FRMPD1: variants seen among roughly 807,000 people sequenced by gnomAD.
FRMPD1 encodes FERM and PDZ domain containing 1.
FRMPD1 carries 76 observed loss-of-function variants against 117.8 expected under a neutral mutation model. The ratio of observed to expected loss-of-function variants is 0.65; its 90% CI spans 0.54 to 0.78. The LOEUF (loss-of-function observed/expected upper bound fraction) is 0.78, where lower values mean the gene tolerates loss of function less well. Ranked by LOEUF, FRMPD1 falls within the 30% of genes least tolerant of loss-of-function variation. The probability of loss-of-function intolerance (pLI) is 0.00; values close to 1 mark genes in which losing one functional copy is unlikely to be tolerated. For synonymous variants in FRMPD1, 783 were observed against 770.4 expected (o/e 1.02, Z -0.27); for missense variants, 1,786 against 1,964.5 (o/e 0.91, Z 1.72).
chr9:37,745,077 C>T lies in FRMPD1; in HGVS notation c.3045C>T (p.Leu1015=). The T allele has an allele frequency of 6.2e-6, 10 of 1,614,164 alleles. No homozygotes were observed. The highest frequency in any genetic ancestry group is 8.5e-6 in the Non-Finnish European group (10 of 1,180,014). The change falls in exon 16 of 16, where the codon CTC becomes CTT. Residue 1015 remains leucine (L), a synonymous_variant. Coordinates refer to ENST00000377765, the MANE Select transcript of FRMPD1 (RefSeq NM_014907.3). ...TIEHGDSSFS[L]SSGDPNPDRA... is the part of the protein sequence containing the mutation. ...AGCATGGAGACAGCTCCTTCTCCCT[C>T]TCCAGTGGTGACCCTAACCCAGACA...
chr9:37,711,108 G>A lies in FRMPD1; in HGVS notation c.363-242G>A, dbSNP rs146584316. 1.1e-3 allele frequency among the ~76,000 whole-genome samples: 160 copies of A among 152,194 alleles called. 2 individuals are homozygous for A. In the East Asian group the frequency reaches 0.029, roughly 28 times the overall value. On this transcript the variant is annotated intron_variant, in intron 4 of 15. Coordinates refer to ENST00000377765, the MANE Select transcript of FRMPD1 (RefSeq NM_014907.3). The stretch of plus-strand genomic sequence containing the variant: ...GACTAGATGGTAGAGGTGAACTTAC[G>A]AAAATTCCCTCCAGGTGGGAGGAGC...
chr9:37,722,328 T>C (rs1373584622), intron 6 of FRMPD1, among the ~76,000 whole-genome samples: 3 of 150,188 alleles, frequency 2.0e-5, no homozygotes, highest in Non-Finnish European at 4.4e-5. Context: ...AAGAGAGAGA[T>C]GATTGTGAGT....
chr9:37,621,808 G>A, the FRMPD1 span, among the ~76,000 whole-genome samples: 3 of 152,144 alleles, frequency 2.0e-5, no homozygotes, highest in African/African-American at 7.2e-5. Flanking sequence ...CAGCAGATGA[G>A]ACAGCTTCTG....
chr9:37,729,456 G>A (rs187459353), intron 7 of FRMPD1, among the ~76,000 whole-genome samples: 1 of 150,800 alleles, frequency 6.6e-6, no homozygotes, highest in East Asian at 2.0e-4. Flanking sequence ...AGGGACATAG[G>A]AGAGAGGCAG....
At chr9:37,643,467 T>C in the FRMPD1 span, among the ~76,000 whole-genome samples, 1,996 of 152,350 alleles carry the variant, frequency 0.013, 40 homozygotes, top group African/African-American at 0.045. Context: ...TCAGTGGTGT[T>C]CATTACATTT....
chr9:37,680,151 C>G (rs1821673092), intron 1 of FRMPD1, among the ~76,000 whole-genome samples: 1 of 152,098 alleles, frequency 6.6e-6, no homozygotes. Flanking sequence ...CTGTTGCCAC[C>G]CTGTAGCTCT....
chr9:37,729,592 C>T lies in FRMPD1; in HGVS notation c.613-136C>T, dbSNP rs1339845290. 22 of 855,464 alleles carry T rather than the reference C, an allele frequency of 2.6e-5. No individual in the cohort carries two copies. The South Asian group carries it at 2.7e-4, about 11-fold the overall frequency. The allele number at this position is 855,464 out of a possible 1,614,324, so 53.0% of individuals were successfully genotyped here. On this transcript the variant is annotated intron_variant, in intron 7 of 15. Transcript: ENST00000377765. ...CCGTAAGGGGCCTGATGAGTGGGAC[C>T]AGACTCTGGCGTAAGTCAGCAGTGG...
chr9:37,724,261 C>A lies in FRMPD1; in HGVS notation c.553C>A (p.Leu185Ile), dbSNP rs144530485. 2 of 1,603,386 alleles carry A rather than the reference C, an allele frequency of 1.2e-6. No homozygotes were observed. The highest frequency in any genetic ancestry group is 1.7e-6 in the Non-Finnish European group (2 of 1,170,252). ...GCTGTGTATGCCCAACGTGCTCAAG[C>A]TATACTTGGAGAATGGACAGACCAA... The part of the protein sequence containing the change: ...SLLCMPNVLK[L>I]YLENGQTKAF... The change falls in exon 7 of 16, where the codon CTA becomes ATA. Residue 185 changes from leucine to isoleucine, a missense_variant. Physicochemically the swap from Leu to Ile is conservative, Grantham distance 5. Coordinates refer to ENST00000377765, the MANE Select transcript of FRMPD1 (RefSeq NM_014907.3).
At chr9:37,727,114 T>C (rs1011870610) in intron 7 of FRMPD1, among the ~76,000 whole-genome samples, 1 of 152,156 alleles carries the variant, frequency 6.6e-6, no homozygotes, top group Admixed American at 6.5e-5. Flanking sequence ...CAGCAGAAGA[T>C]AAAGTGGGAG....
chr9:37,707,076 C>T (rs1384512553), intron 2 of FRMPD1, among the ~76,000 whole-genome samples: 1 of 152,140 alleles, frequency 6.6e-6, no homozygotes, highest in African/African-American at 2.4e-5. Flanking sequence ...GAGTGCAGCT[C>T]AAATGCCACC....
chr9:37,634,276 T>C, the FRMPD1 span, among the ~76,000 whole-genome samples: 1 of 152,210 alleles, frequency 6.6e-6, no homozygotes, highest in Admixed American at 6.5e-5. Context: ...TATTATGACT[T>C]TGCAAATTTC....
the FRMPD1 span, among the ~76,000 whole-genome samples, chr9:37,619,691 G>C: frequency 6.6e-6 from 1 of 151,860 alleles, no homozygotes; most frequent in African/African-American, 2.4e-5. Flanking sequence ...CCAGGAATTG[G>C]AGGTTGTGGT....
At chr9:37,622,328 T>G in the FRMPD1 span, among the ~76,000 whole-genome samples, 3 of 152,198 alleles carry the variant, frequency 2.0e-5, no homozygotes, top group African/African-American at 7.2e-5. Context: ...CCGCAATGAA[T>G]TACCAACAGA....
In FRMPD1 at chr9:37,740,943, GA is replaced by G; in HGVS notation, c.2356+60del. 7.5e-7 allele frequency: 1 copy of G among 1,337,074 alleles called. No individual in the cohort carries two copies. The highest frequency in any genetic ancestry group is 2.3e-5 in the East Asian group (1 of 43,154). 82.8% of individuals were successfully genotyped at this position (1,337,074 alleles called of 1,614,324 possible). A position where few individuals can be genotyped will look rare whatever the true frequency, so the allele number is the denominator to read the frequency against. On this transcript the variant is annotated intron_variant, in intron 15 of 15. Coordinates refer to ENST00000377765, the MANE Select transcript of FRMPD1 (RefSeq NM_014907.3). This position sits in a 1 kb window ranked among gnomAD's most constrained non-coding sequence, Gnocchi z 4.2. ...AGGCAGCTCCTGAGTGCCTCCCGGGGATCAAGGCCTGGGGCCAAGCTTGAGA... is the reference window on the plus strand; with the variant it reads ...AGGCAGCTCCTGAGTGCCTCCCGGGGTCAAGGCCTGGGGCCAAGCTTGAGA...
At chr9:37,638,041 T>TCTTCCTTCCTTCCTTCCTTC in the FRMPD1 span, among the ~76,000 whole-genome samples, 1 of 146,442 alleles carries the variant, frequency 6.8e-6, no homozygotes, top group Admixed American at 6.9e-5. Context: ...TTTCTTCCTT[T>TCTTCCTTCCTTCCTTCCTTC]CTTTCTTTCC....
intron 4 of FRMPD1, among the ~76,000 whole-genome samples, chr9:37,710,841 C>T (rs1364944213): frequency 2.0e-5 from 3 of 151,594 alleles, no homozygotes; most frequent in Admixed American, 6.6e-5. Context: ...GCCTGTAGTC[C>T]CAGCTACTCG....
chr9:37,605,768 G>A, the FRMPD1 span, among the ~76,000 whole-genome samples: 1 of 151,930 alleles, frequency 6.6e-6, no homozygotes. Flanking sequence ...AGGCTGGAGT[G>A]CAGTGGCATG....
At chr9:37,629,947 C>G in the FRMPD1 span, among the ~76,000 whole-genome samples, 2 of 152,130 alleles carry the variant, frequency 1.3e-5, no homozygotes, top group Admixed American at 1.3e-4. Flanking sequence ...AGGGTGTCAT[C>G]ATGGTTGGGT....
At chr9:37,655,946 C>G (rs899927386) in intron 1 of FRMPD1, among the ~76,000 whole-genome samples, 1 of 152,170 alleles carries the variant, frequency 6.6e-6, no homozygotes, top group African/African-American at 2.4e-5. Context: ...AGGAAGCTGT[C>G]TTCCAGATCC....
Sources: allele counts gnomAD v4.1 joint callset (sites outside exome capture counted in the v4.1 genomes callset), GRCh38; gene constraint gnomAD v4.1.1; non-coding constraint Gnocchi (gnomAD v3.1); transcripts MANE v1.5; gene names NCBI Gene and HGNC (gene_info 2026-07-23, HGNC 2026-07-21).